NKAIN2: variants seen among roughly 807,000 people sequenced by gnomAD.
The protein encoded by NKAIN2 is sodium/potassium transporting ATPase interacting 2.
A neutral mutation model predicts 32.6 loss-of-function variants in NKAIN2; 14 were observed. That is an observed-to-expected ratio of 0.43 (90% CI 0.28 to 0.67). NKAIN2 has a LOEUF of 0.67. Ranked by LOEUF, NKAIN2 falls within the 30% of genes least tolerant of loss-of-function variation. The probability of loss-of-function intolerance (pLI) is 0.17; values close to 1 mark genes in which losing one functional copy is unlikely to be tolerated. For missense variants in NKAIN2, 198 were observed against 258.3 expected (o/e 0.77, Z 1.60); for synonymous variants, 80 against 87.2 (o/e 0.92, Z 0.46).
intron 1 of NKAIN2, among the ~76,000 whole-genome samples, chr6:124,201,412 A>G (rs900130561): frequency 6.6e-6 from 1 of 152,052 alleles, no homozygotes; most frequent in East Asian, 1.9e-4. Context: ...GTCAGCACCA[A>G]TGATTCTAAT....
intron 1 of NKAIN2, among the ~76,000 whole-genome samples, chr6:124,247,487 A>G (rs1793471343): frequency 6.6e-6 from 1 of 152,112 alleles, no homozygotes; most frequent in Non-Finnish European, 1.5e-5. Flanking sequence ...AATAATTTGG[A>G]TCAAGTCCTC....
At chr6:124,135,515 T>TAAAAAAAAAAAAAAA (rs56183476) in intron 1 of NKAIN2, among the ~76,000 whole-genome samples, 3 of 100,406 alleles carry the variant, frequency 3.0e-5, no homozygotes, top group Admixed American at 2.0e-4. Context: ...GCAACGATAG[T>TAAAAAAAAAAAAAAA]AAAAAAAAAA....
At chr6:123,958,257 A>G (rs902575370) in intron 1 of NKAIN2, among the ~76,000 whole-genome samples, 2 of 152,160 alleles carry the variant, frequency 1.3e-5, no homozygotes, top group Non-Finnish European at 2.9e-5. Flanking sequence ...AAAATTGCAA[A>G]TCATCAGAAA....
Position 123,857,403 on chromosome 6 carries a change from A to T in NKAIN2, c.54+53149A>T, listed in dbSNP as rs150534084. On this transcript the variant is annotated intron_variant, in intron 1 of 6. Coordinates refer to ENST00000368417, the MANE Select transcript of NKAIN2 (RefSeq NM_001040214.3). ...AAGTTGTAATTATGGAATTAAAAAC[A>T]ATCTATACAGTTTTTCAGATGGTTC... is the stretch of plus-strand genomic sequence containing the variant. Among the ~76,000 whole-genome samples, 331 of 152,350 alleles carry T rather than the reference A, an allele frequency of 2.2e-3. 2 individuals carry two copies. The highest frequency in any genetic ancestry group is 7.4e-3 in the African/African-American group (307 of 41,578).
intron 3 of NKAIN2, among the ~76,000 whole-genome samples, chr6:124,405,235 T>A (rs1460170069): frequency 6.6e-6 from 1 of 152,188 alleles, no homozygotes; most frequent in Non-Finnish European, 1.5e-5. Flanking sequence ...GCCTAAAATT[T>A]TGCAAAATAT....
intron 1 of NKAIN2, among the ~76,000 whole-genome samples, chr6:123,840,187 T>C (rs1335354409): frequency 1.3e-5 from 2 of 152,256 alleles, no homozygotes; most frequent in East Asian, 3.9e-4. Flanking sequence ...TGTATGTTTG[T>C]GTGTATTTAA....
At chr6:123,836,953 AT>A (rs1582622751) in intron 1 of NKAIN2, among the ~76,000 whole-genome samples, 3 of 152,190 alleles carry the variant, frequency 2.0e-5, no homozygotes, top group Non-Finnish European at 4.4e-5. Flanking sequence ...AATAACCTTG[AT>A]CAACAAATGA....
At chr6:124,729,701 C>A (rs939958677) in intron 4 of NKAIN2, among the ~76,000 whole-genome samples, 17 of 150,462 alleles carry the variant, frequency 1.1e-4, no homozygotes, top group South Asian at 4.2e-4. Context: ...GTTGGAAGTT[C>A]TGGCCAGGGC....
intron 3 of NKAIN2, among the ~76,000 whole-genome samples, chr6:124,625,469 T>C (rs961682311): frequency 2.0e-5 from 3 of 152,138 alleles, no homozygotes. Flanking sequence ...GAAATCATAG[T>C]CCTTTGTTTC....
At chr6:123,999,167 A>G (rs1428817466) in intron 1 of NKAIN2, among the ~76,000 whole-genome samples, 2 of 152,264 alleles carry the variant, frequency 1.3e-5, no homozygotes, top group East Asian at 1.9e-4. Flanking sequence ...GTAAGGTTAC[A>G]TCATTTGGGT....
At chr6:124,070,579 G>A (rs1783409198) in intron 1 of NKAIN2, among the ~76,000 whole-genome samples, 1 of 152,054 alleles carries the variant, frequency 6.6e-6, no homozygotes. Flanking sequence ...ATTAGACTTG[G>A]ACAACATTCT....
intron 1 of NKAIN2, among the ~76,000 whole-genome samples, chr6:123,953,299 A>C (rs1431276190): frequency 2.0e-5 from 3 of 152,128 alleles, no homozygotes; most frequent in African/African-American, 7.2e-5. Flanking sequence ...CTTAGGCCCC[A>C]GGGTGGCGTA....
chr6:124,521,631 T>A (rs1190921822), intron 3 of NKAIN2, among the ~76,000 whole-genome samples: 1 of 152,216 alleles, frequency 6.6e-6, no homozygotes, highest in African/African-American at 2.4e-5. Context: ...AGTACAATTT[T>A]CATTTCTGCA....
chr6:124,404,429 A>G (rs1264448091), intron 3 of NKAIN2, among the ~76,000 whole-genome samples: 1 of 152,192 alleles, frequency 6.6e-6, no homozygotes, highest in East Asian at 1.9e-4. Flanking sequence ...AAATACTGCC[A>G]GAAGAACAGT....
intron 3 of NKAIN2, among the ~76,000 whole-genome samples, chr6:124,397,322 A>G (rs551065117): frequency 5.7e-4 from 86 of 152,200 alleles, no homozygotes; most frequent in African/African-American, 2.0e-3. Context: ...ACTTTTTTCT[A>G]GAACACATTA....
rs550786764 is a variant in NKAIN2, at chr6:123,826,082, T to C, written c.54+21828T>C. Reference sequence around the variant, plus strand: ...GATTTAGTGGGGTGATCCCATTCTATGGTATTCTTCGGCCGGAAAAGAATG... The same window carrying C: ...GATTTAGTGGGGTGATCCCATTCTACGGTATTCTTCGGCCGGAAAAGAATG... On this transcript the variant is annotated intron_variant, in intron 1 of 6. Coordinates refer to ENST00000368417, the MANE Select transcript of NKAIN2 (RefSeq NM_001040214.3). 3.9e-5 allele frequency among the ~76,000 whole-genome samples: 6 copies of C among 152,234 alleles called. No homozygotes were observed. The South Asian group carries it at 1.2e-3, about 32-fold the overall frequency.
intron 1 of NKAIN2, among the ~76,000 whole-genome samples, chr6:124,083,251 T>C (rs532178588): frequency 7.9e-5 from 12 of 152,006 alleles, no homozygotes; most frequent in Admixed American, 6.6e-4. Flanking sequence ...ATCTGTAAAA[T>C]GGGATATTTA....
At chr6:124,435,800 C>T (rs1775416241) in intron 3 of NKAIN2, among the ~76,000 whole-genome samples, 1 of 152,030 alleles carries the variant, frequency 6.6e-6, no homozygotes, top group African/African-American at 2.4e-5. Context: ...TTAGGCTTAC[C>T]TAATCCTTTA....
chr6:123,989,115 G>A (rs372114051), intron 1 of NKAIN2, among the ~76,000 whole-genome samples: 3 of 152,112 alleles, frequency 2.0e-5, no homozygotes, highest in East Asian at 3.9e-4. Context: ...TATCCCTGGG[G>A]TTATGTGAGG....
Sources: allele counts gnomAD v4.1 joint callset (sites outside exome capture counted in the v4.1 genomes callset), GRCh38; gene constraint gnomAD v4.1.1; transcripts MANE v1.5; gene names NCBI Gene and HGNC (gene_info 2026-07-23, HGNC 2026-07-21).